The following PACSIN3 variants were observed in gnomAD, a reference collection of about 807,000 sequenced individuals.
PACSIN3 encodes the protein protein kinase C and casein kinase substrate in neurons 3, also known as protein kinase C and casein kinase substrate in neurons protein 3.
PACSIN3 carries 34 observed loss-of-function variants against 56.1 expected under a neutral mutation model. The ratio of observed to expected loss-of-function variants is 0.61; its 90% CI spans 0.46 to 0.81. The LOEUF is 0.81. Among genes scored for constraint, PACSIN3 ranks in the 30% least tolerant of loss-of-function variants. PACSIN3 has a pLI of 0.00. For missense variants in PACSIN3, 535 were observed against 592.4 expected, an observed-to-expected ratio of 0.90 and a Z score of 1.01; for synonymous variants, 218 against 229.8, an observed-to-expected ratio of 0.95 and a Z score of 0.46.
chr11:47,179,137 C>T lies in PACSIN3; in HGVS notation c.900+22G>A. On this transcript the variant is annotated intron_variant, in intron 8 of 10. Coordinates refer to ENST00000298838, the MANE Select transcript of PACSIN3 (RefSeq NM_016223.5). This position sits in a 1 kb window ranked among gnomAD's most constrained non-coding sequence, Gnocchi z 4.4. ...TGGGAGCCCATCCCACCTCCCATCCCCACCCCGCCTGGAACACATGCCTCG... is the reference window on the plus strand; with the variant it reads ...TGGGAGCCCATCCCACCTCCCATCCTCACCCCGCCTGGAACACATGCCTCG... The T allele has an allele frequency of 6.2e-7, 1 of 1,613,408 alleles. No individual in the cohort carries two copies. Among genetic ancestry groups the T allele is most frequent in the Non-Finnish European group, 8.5e-7 (1 of 1,179,854 alleles).
intron 1 of PACSIN3, 87 bp from the exon 2 acceptor site, chr11:47,183,156 A>C (rs1206920050): frequency 6.4e-6 from 1 of 156,864 alleles, no homozygotes; most frequent in Middle Eastern, 3.0e-3. Flanking sequence ...AACTGCTGTC[A>C]GAAGCGCCGG....
At chr11:47,183,708 G>A (rs576776195) in intron 1 of PACSIN3, among the ~76,000 whole-genome samples, 3 of 152,346 alleles carry the variant, frequency 2.0e-5, no homozygotes, top group African/African-American at 7.2e-5. Context: ...GGGGAAGTGA[G>A]AAGCGATGGC....
chr11:47,178,776 G>T lies in PACSIN3; in HGVS notation c.1037+118C>A. ...TTACAACTACTAAGTAGGCCCTCAG[G>T]TCCCTGGCACCAATTTTCAACCCAT... On this transcript the variant is annotated intron_variant, in intron 9 of 10. Transcript: ENST00000298838. This position sits in a 1 kb window ranked among gnomAD's most constrained non-coding sequence, Gnocchi z 4.2. The T allele has an allele frequency of 8.2e-7, 1 of 1,218,244 alleles. No individual in the cohort carries two copies. Among genetic ancestry groups the T allele is most frequent in the Non-Finnish European group, 1.1e-6 (1 of 870,210 alleles). The allele number at this position is 1,218,244 out of a possible 1,614,324, so 75.5% of individuals were successfully genotyped here.
Position 47,178,121 on chromosome 11 carries a change from G to A in PACSIN3, c.1160-75C>T, listed in dbSNP as rs1276836083. 7.4e-7 allele frequency: 1 copy of A among 1,359,216 alleles called. No individual in the cohort carries two copies. Among genetic ancestry groups the A allele is most frequent in the African/African-American group, 1.4e-5 (1 of 69,378 alleles). 84.2% of individuals were successfully genotyped at this position (1,359,216 alleles called of 1,614,324 possible). A position where few individuals can be genotyped will look rare whatever the true frequency, so the allele number is the denominator to read the frequency against. On this transcript the variant is annotated intron_variant, in intron 10 of 10. Transcript: ENST00000298838. The surrounding 1 kb of genome is among the most constrained non-coding windows in gnomAD (Gnocchi z 4.2). ...TTCCTGCAACTGGGTCAAGGACTGA[G>A]GGGGATGGTGTGGTCCCAGAGCCCA...
chr11:47,182,299 G>A, intron 4 of PACSIN3, 104 bp downstream of exon 4: 1 of 1,090,650 alleles, frequency 9.2e-7, no homozygotes, highest in Non-Finnish European at 1.3e-6. Flanking sequence ...TCTAAGGGAG[G>A]GTAGACGTGG....
Position 47,178,141 on chromosome 11 carries a change from A to G in PACSIN3, c.1160-95T>C. ...ACTGAGGGGGATGGTGTGGTCCCAG[A>G]GCCCAGCTAGCAAAGACATGGCTCA... On this transcript the variant is annotated intron_variant, in intron 10 of 10. Transcript: ENST00000298838. The surrounding 1 kb of genome is among the most constrained non-coding windows in gnomAD (Gnocchi z 4.2). 1 of 1,249,670 alleles carries G rather than the reference A, an allele frequency of 8.0e-7. No homozygotes were observed. Among genetic ancestry groups the G allele is most frequent in the Non-Finnish European group, 1.1e-6 (1 of 881,928 alleles). 77.4% of individuals were successfully genotyped at this position (1,249,670 alleles called of 1,614,324 possible).
chr11:47,177,839 CG>C lies in PACSIN3; in HGVS notation c.*91del. Reference sequence around the variant, plus strand: ...AAGGGACAGAGGAGCAGCCAGAGAGCGACGGTTCAGGGCCCTGAGGGTCCGG... The same window carrying C: ...AAGGGACAGAGGAGCAGCCAGAGAGCACGGTTCAGGGCCCTGAGGGTCCGG... On this transcript the variant is annotated 3_prime_UTR_variant, in exon 11 of 11. Transcript: ENST00000298838. The C allele has an allele frequency of 5.2e-6, 5 of 969,966 alleles. No homozygotes were observed. Among genetic ancestry groups the C allele is most frequent in the Non-Finnish European group, 8.2e-6 (5 of 608,786 alleles). 60.1% of individuals were successfully genotyped at this position (969,966 alleles called of 1,614,324 possible).
chr11:47,179,403 G>A lies in PACSIN3; in HGVS notation c.779+8C>T. 6.2e-7 allele frequency: 1 copy of A among 1,613,966 alleles called. No individual in the cohort carries two copies. The highest frequency in any genetic ancestry group is 8.5e-7 in the Non-Finnish European group (1 of 1,179,940). ...CCCAGATCTCCATGCCCACCAGGCA[G>A]TTCATACTTCTCACTGCTGGAAAGG... On this transcript the variant is annotated splice_region_variant and intron_variant, in intron 7 of 10. Transcript: ENST00000298838. This position sits in a 1 kb window ranked among gnomAD's most constrained non-coding sequence, Gnocchi z 4.4.
chr11:47,181,891 G>A (rs1193883239), intron 4 of PACSIN3, among the ~76,000 whole-genome samples: 2 of 152,036 alleles, frequency 1.3e-5, no homozygotes, highest in East Asian at 1.9e-4. Context: ...AGTGGCTCAC[G>A]CCTGTAATCC....
At position 47,180,076 on chromosome 11, in the gene PACSIN3, G is replaced by A. The variant is rs569690993; in HGVS notation, c.603+110C>T. The A allele has an allele frequency of 5.1e-6, 5 of 971,416 alleles. No individual in the cohort carries two copies. The South Asian group carries it at 5.9e-5, about 11-fold the overall frequency. 60.2% of individuals were successfully genotyped at this position (971,416 alleles called of 1,614,324 possible). On this transcript the variant is annotated intron_variant, in intron 6 of 10. Coordinates refer to ENST00000298838, the MANE Select transcript of PACSIN3 (RefSeq NM_016223.5). ...CATCTGGAGAGAGGGTGGCAGGTGA[G>A]GAATAGGGTAATAAGGGTGCTGGGG...
chr11:47,178,017 C>A lies in PACSIN3; in HGVS notation c.1189G>T (p.Asp397Tyr). 1.2e-6 allele frequency: 2 copies of A among 1,613,998 alleles called. No individual in the cohort carries two copies. The highest frequency in any genetic ancestry group is 2.7e-5 in the African/African-American group (2 of 75,058). Residue 397 changes from aspartate to tyrosine, a missense_variant, in exon 11 of 11, where the codon GAC (aspartate) becomes TAC (tyrosine). Asp to Tyr is a radical substitution (Grantham distance 160). Transcript: ENST00000298838. The surrounding 1 kb of genome is among the most constrained non-coding windows in gnomAD (Gnocchi z 4.2). Reference protein sequence around the residue: ...GEELLKMSEEDEQGWCQGQLQ... With the variant: ...GEELLKMSEEYEQGWCQGQLQ... ...TGGCCTTGGCACCAGCCCTGCTCGT[C>A]CTCCTCACTCATCTTCAGCAGCTCC...
In PACSIN3 at chr11:47,179,088, A is replaced by C; in HGVS notation, c.901-58T>G. On this transcript the variant is annotated intron_variant, in intron 8 of 10. Coordinates refer to ENST00000298838, the MANE Select transcript of PACSIN3 (RefSeq NM_016223.5). The surrounding 1 kb of genome is among the most constrained non-coding windows in gnomAD (Gnocchi z 4.4). ...CATCTGAACCACCTTCACTTACTTC[A>C]TCCCTAGCCCTGGCCGAGCTGAGTG... 1 of 1,613,666 alleles carries C rather than the reference A, an allele frequency of 6.2e-7. No individual in the cohort carries two copies. The highest frequency in any genetic ancestry group is 1.3e-5 in the African/African-American group (1 of 74,958).
intron 1 of PACSIN3, chr11:47,185,761 C>G (rs1465221407): frequency 1.3e-5 from 2 of 152,578 alleles, no homozygotes; most frequent in African/African-American, 4.8e-5. Context: ...CGCCCCTCGA[C>G]AGGACCCCTT....
Position 47,182,474 on chromosome 11 carries a change from G to C in PACSIN3, c.140C>G (p.Ala47Gly). The C allele has an allele frequency of 6.2e-7, 1 of 1,608,286 alleles. No individual in the cohort carries two copies. Among genetic ancestry groups the C allele is most frequent in the Non-Finnish European group, 8.5e-7 (1 of 1,179,976 alleles). Residue 47 changes from alanine (A) to glycine (G), a missense_variant, in exon 4 of 11, where the codon GCC becomes GGC. Coordinates refer to ENST00000298838, the MANE Select transcript of PACSIN3 (RefSeq NM_016223.5). ...CTGGGCATAAGCCTTCTCGATGCGG[G>C]CGCGCTCCTGGAAGCAGCTGACCAG... ...GDLVSCFQER[A>G]RIEKAYAQQL...
chr11:47,184,969 C>A (rs2135464754), intron 1 of PACSIN3, among the ~76,000 whole-genome samples: 1 of 152,324 alleles, frequency 6.6e-6, no homozygotes. Flanking sequence ...CAGGCCCAAG[C>A]CCCGGGTGCA....
Position 47,178,925 on chromosome 11 carries a change from C to A in PACSIN3, c.1006G>T (p.Ala336Ser). ...TSIVPTRDGT[A>S]PPPQSPGSPG... The stretch of plus-strand genomic sequence containing the variant: ...GACCCCGGGGACTGGGGTGGGGGTG[C>A]GGTGCCATCTCTTGTAGGCACAATG... The change falls in exon 9 of 11, where the codon GCA (alanine) becomes TCA (serine). Residue 336 changes from alanine to serine, a missense_variant. Transcript: ENST00000298838. The surrounding 1 kb of genome is among the most constrained non-coding windows in gnomAD (Gnocchi z 4.2). The A allele has an allele frequency of 6.2e-7, 1 of 1,613,970 alleles. No homozygotes were observed. The highest frequency in any genetic ancestry group is 8.5e-7 in the Non-Finnish European group (1 of 1,179,988).
intron 1 of PACSIN3, among the ~76,000 whole-genome samples, chr11:47,185,016 G>C (rs1953093081): frequency 6.6e-6 from 1 of 152,222 alleles, no homozygotes; most frequent in Non-Finnish European, 1.5e-5. Context: ...CTCTCAGCAA[G>C]CAAGCAAGGA....
In PACSIN3 at chr11:47,177,962, G is replaced by A; in HGVS notation, c.1244C>T (p.Pro415Leu). ...QLQSGRIGLY[P>L]ANYVECVGA ...GCCCACACACTCCACGTAGTTGGCA[G>A]GGTACAGGCCAATGCGGCCACTCTG... Residue 415 changes from proline to leucine, a missense_variant, in exon 11 of 11, where the codon CCT becomes CTT. By Grantham distance (98) the Pro-to-Leu change is moderately conservative (BLOSUM62 -3). Coordinates refer to ENST00000298838, the MANE Select transcript of PACSIN3 (RefSeq NM_016223.5). 6.2e-7 allele frequency: 1 copy of A among 1,614,052 alleles called. No homozygotes were observed. Among genetic ancestry groups the A allele is most frequent in the Non-Finnish European group, 8.5e-7 (1 of 1,179,936 alleles).
At position 47,178,423 on chromosome 11, in the gene PACSIN3, C is replaced by T; in HGVS notation, c.1102G>A (p.Val368Met). 6.2e-7 allele frequency: 1 copy of T among 1,614,060 alleles called. No individual in the cohort carries two copies. Among genetic ancestry groups the T allele is most frequent in the African/African-American group, 1.3e-5 (1 of 75,064 alleles). Reference protein sequence around the residue: ...SPRKAATGVRVRALYDYAGQE... With the variant: ...SPRKAATGVRMRALYDYAGQE... ...CCAGCGTAGTCATAGAGTGCCCTCA[C>T]CCGAACCCCGGTGGCAGCCTTCCGG... Residue 368 changes from valine (V) to methionine (M), a missense_variant, in exon 10 of 11, where the codon GTG becomes ATG. Val to Met is a conservative substitution (Grantham distance 21, BLOSUM62 1). Transcript: ENST00000298838. The surrounding 1 kb of genome is among the most constrained non-coding windows in gnomAD (Gnocchi z 4.2).
Sources: gnomAD v4.1 joint callset for allele counts (sites outside exome capture counted in the v4.1 genomes callset) on GRCh38, gnomAD v4.1.1 for gene constraint, Gnocchi (gnomAD v3.1) non-coding constraint, MANE v1.5 for transcripts, NCBI Gene and HGNC (gene_info 2026-07-23, HGNC 2026-07-21) for gene names.